The following SEMA5A variants were observed in gnomAD, a reference collection of about 807,000 sequenced individuals.
The protein encoded by SEMA5A is semaphorin 5A, also known as semaphorin-5A.
SEMA5A carries 55 observed loss-of-function variants against 135.5 expected under a neutral mutation model. The ratio of observed to expected loss-of-function variants is 0.41; its 90% CI spans 0.33 to 0.51. The LOEUF (loss-of-function observed/expected upper bound fraction) is 0.51. Ranked by LOEUF, SEMA5A falls within the 20% of genes least tolerant of loss-of-function variation. The probability of loss-of-function intolerance (pLI) is 0.37; values close to 1 mark genes in which losing one functional copy is unlikely to be tolerated. For synonymous variants in SEMA5A, 580 were observed against 546.5 expected, an observed-to-expected ratio of 1.06 and a Z score of -0.85; for missense variants, 1,290 against 1,419.9, an observed-to-expected ratio of 0.91 and a Z score of 1.47.
At chr5:9,327,908 A>G (rs928435613) in intron 4 of SEMA5A, among the ~76,000 whole-genome samples, 1 of 152,030 alleles carries the variant, frequency 6.6e-6, no homozygotes, top group African/African-American at 2.4e-5. Flanking sequence ...ATAATTTTTC[A>G]TTTGAAAAAA....
chr5:9,499,744 A>T (rs890036558), intron 1 of SEMA5A, among the ~76,000 whole-genome samples: 2 of 152,206 alleles, frequency 1.3e-5, no homozygotes, highest in African/African-American at 4.8e-5. Flanking sequence ...AACCCCATCT[A>T]TACACAGATA....
At chr5:9,519,097 G>A (rs1736679224) in intron 1 of SEMA5A, among the ~76,000 whole-genome samples, 1 of 152,132 alleles carries the variant, frequency 6.6e-6, no homozygotes, top group South Asian at 2.1e-4. Context: ...GTGTGTTTGT[G>A]GTGAGTTTTC....
chr5:9,414,092 C>T (rs1757201620), intron 2 of SEMA5A, among the ~76,000 whole-genome samples: 1 of 151,974 alleles, frequency 6.6e-6, no homozygotes, highest in Non-Finnish European at 1.5e-5. Flanking sequence ...GGATACCCAA[C>T]CCTTTTGTCT....
intron 3 of SEMA5A, among the ~76,000 whole-genome samples, chr5:9,351,544 T>G (rs1470539593): frequency 6.6e-6 from 1 of 152,204 alleles, no homozygotes; most frequent in Non-Finnish European, 1.5e-5. Context: ...CAGAAACCAG[T>G]ACATTACCAA....
chr5:9,515,213 C>T (rs1736440971), intron 1 of SEMA5A, among the ~76,000 whole-genome samples: 1 of 152,054 alleles, frequency 6.6e-6, no homozygotes, highest in East Asian at 1.9e-4. Context: ...ATGGCCACTG[C>T]CCAGCATGGT....
chr5:9,394,454 G>C (rs1756301228), intron 2 of SEMA5A, among the ~76,000 whole-genome samples: 1 of 152,162 alleles, frequency 6.6e-6, no homozygotes, highest in African/African-American at 2.4e-5. Context: ...TGTCCCTGCT[G>C]TACACTAAAG....
chr5:9,164,155 TC>T (rs1414970667), intron 11 of SEMA5A, among the ~76,000 whole-genome samples: 24 of 127,796 alleles, frequency 1.9e-4, no homozygotes, highest in African/African-American at 6.8e-4. Flanking sequence ...TATAAATATA[TC>T]ATATAAATAT....
intron 6 of SEMA5A, among the ~76,000 whole-genome samples, chr5:9,235,490 C>A (rs1170652700): frequency 2.0e-5 from 3 of 152,106 alleles, no homozygotes; most frequent in African/African-American, 7.2e-5. Context: ...AGTTCACTAC[C>A]CTGGTATGGG....
chr5:9,201,018 A>G (rs1252838746), intron 9 of SEMA5A, among the ~76,000 whole-genome samples: 1 of 152,166 alleles, frequency 6.6e-6, no homozygotes, highest in East Asian at 1.9e-4. Flanking sequence ...AGCACTTCCA[A>G]CCCATCCAGA....
chr5:9,190,742 G>C (rs1745065222), intron 10 of SEMA5A, among the ~76,000 whole-genome samples: 1 of 152,168 alleles, frequency 6.6e-6, no homozygotes, highest in Admixed American at 6.5e-5. Context: ...GGGAGTGATT[G>C]CTAACTTTAA....
intron 18 of SEMA5A, among the ~76,000 whole-genome samples, chr5:9,054,963 G>A (rs999058825): frequency 5.9e-5 from 9 of 152,120 alleles, no homozygotes; most frequent in South Asian, 2.1e-4. Flanking sequence ...AAGTTAGGCC[G>A]AACTGGTTCC....
intron 16 of SEMA5A, among the ~76,000 whole-genome samples, chr5:9,097,937 G>C (rs1579387670): frequency 6.6e-6 from 1 of 152,148 alleles, no homozygotes; most frequent in Non-Finnish European, 1.5e-5. Flanking sequence ...TGGCTGGATA[G>C]CCAAATCTCT....
intron 16 of SEMA5A, among the ~76,000 whole-genome samples, chr5:9,089,433 C>T (rs1423185206): frequency 2.0e-5 from 3 of 151,718 alleles, no homozygotes; most frequent in East Asian, 1.9e-4. Flanking sequence ...CAGTTGTGAG[C>T]CCCCCACCAA....
rs78573877 is a variant in SEMA5A at position 9,271,408 on chromosome 5, G to A, written c.271-33518C>T. On this transcript the variant is annotated intron_variant, in intron 5 of 22. Coordinates refer to ENST00000382496, the MANE Select transcript of SEMA5A (RefSeq NM_003966.3). ...AAAATTGGTAACAGGAGTGAGGTAC[G>A]GCTATAAACATAACTGAAAATGTGA... 8.1e-3 allele frequency among the ~76,000 whole-genome samples: 1,229 copies of A among 152,212 alleles called. 13 individuals carry two copies. The highest frequency in any genetic ancestry group is 0.028 in the African/African-American group (1,168 of 41,544).
chr5:9,147,080 T>C (rs530998718), intron 12 of SEMA5A, among the ~76,000 whole-genome samples: 1 of 152,186 alleles, frequency 6.6e-6, no homozygotes, highest in African/African-American at 2.4e-5. Context: ...TTAGGGAATA[T>C]TTAATTAAGA....
intron 5 of SEMA5A, among the ~76,000 whole-genome samples, chr5:9,240,843 G>A (rs964579379): frequency 6.6e-6 from 1 of 152,058 alleles, no homozygotes; most frequent in African/African-American, 2.4e-5. Context: ...GTATTCAAAA[G>A]ATGTTTTTCC....
chr5:9,141,957 C>T (rs1354428205), intron 12 of SEMA5A, among the ~76,000 whole-genome samples: 1 of 152,060 alleles, frequency 6.6e-6, no homozygotes, highest in Non-Finnish European at 1.5e-5. Flanking sequence ...AAAATGTATT[C>T]TTACACATGG....
At chr5:9,351,132 T>C (rs1754094510) in intron 3 of SEMA5A, among the ~76,000 whole-genome samples, 1 of 151,348 alleles carries the variant, frequency 6.6e-6, no homozygotes, top group African/African-American at 2.4e-5. Context: ...AGAGATCCAG[T>C]TCCCTCCAAT....
chr5:9,491,437 A>AC (rs1311928004), intron 1 of SEMA5A, among the ~76,000 whole-genome samples: 3 of 150,586 alleles, frequency 2.0e-5, no homozygotes, highest in Non-Finnish European at 4.4e-5. Flanking sequence ...CGATTGCCCC[A>AC]CCCCCACCAG....
Sources: allele counts gnomAD v4.1 joint callset (sites outside exome capture counted in the v4.1 genomes callset), GRCh38; gene constraint gnomAD v4.1.1; transcripts MANE v1.5; gene names NCBI Gene and HGNC (gene_info 2026-07-23, HGNC 2026-07-21).